Variants in ATP2C2 observed in about 807,000 individuals in gnomAD.
ATP2C2 encodes calcium-transporting ATPase type 2C member 2.
ATP2C2 carries 171 observed loss-of-function variants against 110.8 expected under a neutral mutation model. The ratio of observed to expected loss-of-function variants is 1.54; its 90% CI spans 1.36 to 1.75. ATP2C2 has a LOEUF of 1.75. ATP2C2 is among the 40% of genes most tolerant of loss of function. The pLI is 0.00. For synonymous variants in ATP2C2, 804 were observed against 508.4 expected (o/e 1.58, Z -7.82); for missense variants, 1,963 against 1,235.0 (o/e 1.59, Z -8.84).
At chr16:84,401,265 C>G (rs1241721723) in intron 2 of ATP2C2, among the ~76,000 whole-genome samples, 2 of 137,328 alleles carry the variant, frequency 1.5e-5, no homozygotes, top group African/African-American at 5.3e-5. Context: ...ACTCTGTTGC[C>G]CAGGCTGGAG....
Position 84,460,710 on chromosome 16 carries a change from G to T in ATP2C2, c.2390G>T (p.Arg797Leu), listed in dbSNP as rs760347866. 1.2e-6 allele frequency: 2 copies of T among 1,614,060 alleles called. No individual in the cohort carries two copies. The highest frequency in any genetic ancestry group is 1.3e-5 in the African/African-American group (1 of 74,924). Residue 797 changes from arginine (R) to leucine (L), a missense_variant, in exon 24 of 27, where the codon CGG (arginine) becomes CTG (leucine). By Grantham distance (102) the Arg-to-Leu change is moderately radical. Transcript: ENST00000262429. ...DAFRQPPRSV[R>L]DTILSRALIL... ...TTCAGGCAGCCACCACGGAGTGTGC[G>T]GGACACCATCCTCAGCAGAGCCCTC...
At chr16:84,436,749 C>T (rs112963463) in intron 11 of ATP2C2, among the ~76,000 whole-genome samples, 6,645 of 146,508 alleles carry the variant, frequency 0.045, 514 homozygotes, top group African/African-American at 0.16. Flanking sequence ...CCCTCCCCAT[C>T]GCCAGCGAAG....
intron 20 of ATP2C2, among the ~76,000 whole-genome samples, chr16:84,453,831 C>CTT (rs140890620): frequency 2.7e-5 from 4 of 149,910 alleles, no homozygotes; most frequent in Non-Finnish European, 4.5e-5. Context: ...GAGAAGCTAT[C>CTT]TTTTTTTTTT....
intron 7 of ATP2C2, among the ~76,000 whole-genome samples, chr16:84,416,423 T>C (rs894367410): frequency 3.3e-5 from 5 of 152,222 alleles, no homozygotes; most frequent in Admixed American, 6.5e-5. Context: ...GCCTGATTTA[T>C]TTACTGATGG....
At chr16:84,434,166 C>T (rs916390535) in intron 11 of ATP2C2, among the ~76,000 whole-genome samples, 1 of 152,004 alleles carries the variant, frequency 6.6e-6, no homozygotes, top group Non-Finnish European at 1.5e-5. Context: ...GCCTGTAACC[C>T]CAGCACTTTG....
intron 15 of ATP2C2, among the ~76,000 whole-genome samples, chr16:84,445,172 G>A (rs936079909): frequency 1.3e-5 from 2 of 151,788 alleles, no homozygotes; most frequent in African/African-American, 4.8e-5. Flanking sequence ...TCTCTGTCAC[G>A]AGGTGCTCCC....
At position 84,412,599 on chromosome 16, in the gene ATP2C2, A is replaced by T. The variant is rs543994660; in HGVS notation, c.515+1834A>T. ...GTGTGTGTGGAGATGGGGTTTCACT[A>T]TGTTGCTCAGTCTGGGAAAACAGCT... On this transcript the variant is annotated intron_variant, in intron 6 of 26. Coordinates refer to ENST00000262429, the MANE Select transcript of ATP2C2 (RefSeq NM_014861.4). 1.1e-3 allele frequency among the ~76,000 whole-genome samples: 170 copies of T among 151,882 alleles called. 1 individual carries two copies. The highest frequency in any genetic ancestry group is 3.5e-3 in the African/African-American group (145 of 41,394).
Position 84,418,266 on chromosome 16 carries a change from C to T in ATP2C2, c.624+2675C>T, listed in dbSNP as rs182659638. 5.3e-5 allele frequency among the ~76,000 whole-genome samples: 8 copies of T among 152,266 alleles called. No homozygotes were observed. The East Asian group carries it at 9.7e-4, about 18-fold the overall frequency. Reference sequence around the variant, plus strand: ...GCCTCTGTCTTCAGGCTCGGCCTGCCGCCTCCTTGGTGGCTATGGGTTCTG... The same window carrying T: ...GCCTCTGTCTTCAGGCTCGGCCTGCTGCCTCCTTGGTGGCTATGGGTTCTG... On this transcript the variant is annotated intron_variant, in intron 7 of 26. Coordinates refer to ENST00000262429, the MANE Select transcript of ATP2C2 (RefSeq NM_014861.4).
At chr16:84,381,910 G>A (rs183509683) in intron 1 of ATP2C2, among the ~76,000 whole-genome samples, 1 of 152,318 alleles carries the variant, frequency 6.6e-6, no homozygotes, top group East Asian at 1.9e-4. Context: ...GCTCTTCATG[G>A]AATTGGGCCC....
In ATP2C2 at chr16:84,460,755, C is replaced by G; in HGVS notation, c.2435C>G (p.Ser812Cys). Residue 812 changes from serine to cysteine, a missense_variant, in exon 24 of 27, where the codon TCC becomes TGC. Coordinates refer to ENST00000262429, the MANE Select transcript of ATP2C2 (RefSeq NM_014861.4). ...SRALILKILM[S>C]AAIIISGTLF... ...GCCCTCATCCTGAAGATCCTCATGT[C>G]CGCGGCCATCATCATCAGCGGGACC... The G allele has an allele frequency of 6.2e-7, 1 of 1,614,062 alleles. No homozygotes were observed. The highest frequency in any genetic ancestry group is 8.5e-7 in the Non-Finnish European group (1 of 1,179,954).
chr16:84,416,819 G>A (rs1294153616), intron 7 of ATP2C2, among the ~76,000 whole-genome samples: 1 of 152,204 alleles, frequency 6.6e-6, no homozygotes, highest in African/African-American at 2.4e-5. Context: ...GGGGTGCATG[G>A]ATCCGGTCAG....
intron 10 of ATP2C2, among the ~76,000 whole-genome samples, chr16:84,424,811 A>G (rs993817924): frequency 6.6e-6 from 1 of 152,050 alleles, no homozygotes; most frequent in Admixed American, 6.5e-5. Flanking sequence ...TGGATTTCGG[A>G]AGAGATGTAC....
At chr16:84,438,210 G>C (rs1908917558) in intron 11 of ATP2C2, among the ~76,000 whole-genome samples, 1 of 152,238 alleles carries the variant, frequency 6.6e-6, no homozygotes, top group African/African-American at 2.4e-5. Flanking sequence ...TACAAAAGCA[G>C]AGAGGATGAT....
In ATP2C2 at chr16:84,461,805, G is replaced by A. The variant is rs369682528; in HGVS notation, c.2573G>A (p.Arg858His). Reference protein sequence around the residue: ...FFDLFNALTCRSQTKLIFEIG... With the variant: ...FFDLFNALTCHSQTKLIFEIG... Reference sequence around the variant, plus strand: ...GATCTCTTCAACGCCTTGACCTGCCGCTCTCAGGTGAGACCCGGGCTGACC... The same window carrying A: ...GATCTCTTCAACGCCTTGACCTGCCACTCTCAGGTGAGACCCGGGCTGACC... The change falls in exon 25 of 27, where the codon CGC (arginine) becomes CAC (histidine). Residue 858 changes from arginine (R) to histidine (H), a missense_variant. Physicochemically the swap from Arg to His is conservative, Grantham distance 29. Transcript: ENST00000262429. The A allele has an allele frequency of 2.2e-5, 35 of 1,613,692 alleles. 1 individual carries two copies. The Admixed American group carries it at 2.7e-4, about 12-fold the overall frequency.
At chr16:84,451,189 G>C (rs1361757414) in intron 17 of ATP2C2, among the ~76,000 whole-genome samples, 1 of 152,094 alleles carries the variant, frequency 6.6e-6, no homozygotes, top group Non-Finnish European at 1.5e-5. Flanking sequence ...CCAAGCCTAA[G>C]GGGAAACCCC....
rs1485549865 is a variant in ATP2C2 at position 84,406,168 on chromosome 16, TCGGTGCTGGCG to T, written c.327+933_327+943del. Among the ~76,000 whole-genome samples the T allele has an allele frequency of 2.6e-5, 4 of 152,250 alleles. No individual in the cohort carries two copies. In the East Asian group the frequency reaches 7.7e-4, roughly 29 times the overall value. ...CCCCTTCCCTTGCTAGCTGCTGCCA[TCGGTGCTGGCG>T]CGGTGCTGAATGAATGGCACACAAT... On this transcript the variant is annotated intron_variant, in intron 3 of 26. Coordinates refer to ENST00000262429, the MANE Select transcript of ATP2C2 (RefSeq NM_014861.4).
intron 3 of ATP2C2, among the ~76,000 whole-genome samples, chr16:84,405,639 G>T (rs1905698819): frequency 6.6e-6 from 1 of 152,196 alleles, no homozygotes; most frequent in South Asian, 2.1e-4. Context: ...TCAATTTCAG[G>T]CTGGGCGTGG....
intron 7 of ATP2C2, among the ~76,000 whole-genome samples, chr16:84,416,517 G>A (rs1906848255): frequency 6.6e-6 from 1 of 152,188 alleles, no homozygotes; most frequent in African/African-American, 2.4e-5. Flanking sequence ...AGCACAAAGG[G>A]TTGGAAGCTA....
chr16:84,431,005 A>G (rs1327055880), intron 11 of ATP2C2, among the ~76,000 whole-genome samples: 1 of 152,036 alleles, frequency 6.6e-6, no homozygotes, highest in Non-Finnish European at 1.5e-5. Context: ...TGTTTGCCCC[A>G]TGAATATGTA....
Sources: allele counts gnomAD v4.1 joint callset (sites outside exome capture counted in the v4.1 genomes callset), GRCh38; gene constraint gnomAD v4.1.1; transcripts MANE v1.5; gene names NCBI Gene and HGNC (gene_info 2026-07-23, HGNC 2026-07-21).